PAK1: variants seen among roughly 807,000 people sequenced by gnomAD.
PAK1 encodes the protein serine/threonine-protein kinase PAK 1.
Under a neutral mutation model 67.4 loss-of-function variants are expected in PAK1, and 29 were observed. The observed-to-expected ratio is 0.43, with a 90% CI of 0.32 to 0.59. The LOEUF is 0.59. Ranked by LOEUF, PAK1 falls within the 20% of genes least tolerant of loss-of-function variation. The probability of loss-of-function intolerance (pLI) is 0.07; values close to 1 mark genes in which losing one functional copy is unlikely to be tolerated. For synonymous variants in PAK1, 223 were observed against 237.4 expected (o/e 0.94, Z 0.56); for missense variants, 337 against 670.7 (o/e 0.50, Z 5.50).
intron 1 of PAK1, among the ~76,000 whole-genome samples, chr11:77,469,748 G>A (rs535230718): frequency 1.1e-4 from 16 of 151,646 alleles, no homozygotes; most frequent in Admixed American, 3.3e-4. Flanking sequence ...ACACTGGTGT[G>A]GGAGAATGTT....
rs998599559 is a variant in PAK1, at chr11:77,325,951, T to G, written c.1552-2591A>C. ...ACATGAGACTCAGGGATTAACAAAA[T>G]AGAGGTTATAATCCAATAGGAAAGA... On this transcript the variant is annotated intron_variant, in intron 14 of 14. Transcript: ENST00000356341. Among the ~76,000 whole-genome samples the G allele has an allele frequency of 2.6e-5, 4 of 152,150 alleles. No homozygotes were observed. The East Asian group carries it at 7.7e-4, about 29-fold the overall frequency.
chr11:77,431,121 C>T (rs976756440), intron 1 of PAK1, among the ~76,000 whole-genome samples: 5 of 152,050 alleles, frequency 3.3e-5, no homozygotes, highest in Non-Finnish European at 7.4e-5. Flanking sequence ...GAAACCAGTC[C>T]CTAATGCCAA....
At chr11:77,459,720 T>A in intron 1 of PAK1, among the ~76,000 whole-genome samples, 1 of 129,620 alleles carries the variant, frequency 7.7e-6, no homozygotes, top group Admixed American at 8.8e-5. Context: ...TGAGACGGAG[T>A]CTCGCTCTTT....
the PAK1 span, among the ~76,000 whole-genome samples, chr11:77,520,264 C>G: frequency 1.3e-5 from 2 of 152,192 alleles, no homozygotes; most frequent in African/African-American, 4.8e-5. Flanking sequence ...CCACTCTTAA[C>G]TGCTTCCTGT....
At chr11:77,402,169 CTCTT>C (rs1229266475) in intron 1 of PAK1, among the ~76,000 whole-genome samples, 3 of 152,168 alleles carry the variant, frequency 2.0e-5, no homozygotes, top group African/African-American at 4.8e-5. Flanking sequence ...CTTGAAAACT[CTCTT>C]TCTACACTAA....
intron 1 of PAK1, among the ~76,000 whole-genome samples, chr11:77,402,947 TC>T (rs1242341610): frequency 6.6e-6 from 1 of 151,998 alleles, no homozygotes; most frequent in Non-Finnish European, 1.5e-5. Context: ...CCAAATTCCC[TC>T]CCCCTATGGT....
chr11:77,521,115 A>T, the PAK1 span, among the ~76,000 whole-genome samples: 22 of 152,088 alleles, frequency 1.4e-4, no homozygotes, highest in Non-Finnish European at 2.9e-4. Context: ...CTTAATTGGC[A>T]GGAAGTAGTC....
At chr11:77,384,264 G>A (rs1950185337) in intron 2 of PAK1, among the ~76,000 whole-genome samples, 1 of 152,144 alleles carries the variant, frequency 6.6e-6, no homozygotes, top group South Asian at 2.1e-4. Context: ...CTGCAGGCAG[G>A]AAGGCACTAA....
chr11:77,332,925 C>A, intron 13 of PAK1, 58 bp from the exon 14 acceptor site: 2 of 1,532,182 alleles, frequency 1.3e-6, no homozygotes, highest in South Asian at 1.1e-5. Context: ...TCTTGTTCCC[C>A]ATATACAAGT....
chr11:77,503,408 G>T, the PAK1 span, among the ~76,000 whole-genome samples: 2 of 152,230 alleles, frequency 1.3e-5, no homozygotes, highest in African/African-American at 4.8e-5. Flanking sequence ...TGCCCTGGAT[G>T]GGTTGGTGGC....
At chr11:77,425,878 G>C (rs559456779) in intron 1 of PAK1, among the ~76,000 whole-genome samples, 6 of 152,124 alleles carry the variant, frequency 3.9e-5, no homozygotes, top group African/African-American at 1.4e-4. Flanking sequence ...CTAAGGCAGG[G>C]GGATCGCTTG....
chr11:77,474,232 C>G (rs1292200429), upstream of PAK1: 1 of 151,756 alleles, frequency 6.6e-6, no homozygotes, highest in Non-Finnish European at 1.5e-5. Context: ...GCGGCGGCTG[C>G]GGCTCCGGTG....
chr11:77,389,498 A>G (rs1211463040), intron 2 of PAK1, among the ~76,000 whole-genome samples: 2 of 152,162 alleles, frequency 1.3e-5, no homozygotes, highest in East Asian at 1.9e-4. Context: ...GAGGGTTGCA[A>G]TTTCTCCACA....
the PAK1 span, among the ~76,000 whole-genome samples, chr11:77,486,267 G>A: frequency 6.6e-6 from 1 of 152,086 alleles, no homozygotes; most frequent in Non-Finnish European, 1.5e-5. Context: ...TTGGGAGGCT[G>A]AGATGGGAAG....
chr11:77,378,233 G>A (rs1949354563), intron 4 of PAK1, among the ~76,000 whole-genome samples: 1 of 152,222 alleles, frequency 6.6e-6, no homozygotes, highest in Admixed American at 6.5e-5. Flanking sequence ...ACAATGGAAA[G>A]CTGGTCCGCT....
At chr11:77,326,504 G>T (rs780688291) in intron 14 of PAK1, among the ~76,000 whole-genome samples, 1 of 152,120 alleles carries the variant, frequency 6.6e-6, no homozygotes, top group Admixed American at 6.5e-5. Context: ...GAGCAACATG[G>T]CAAAACCCTG....
In PAK1 at chr11:77,355,849, T is replaced by C. The variant is rs1945963650; in HGVS notation, c.598-7A>G. 3.1e-6 allele frequency: 5 copies of C among 1,611,890 alleles called. No individual in the cohort carries two copies. The highest frequency in any genetic ancestry group is 3.4e-6 in the Non-Finnish European group (4 of 1,178,586). On this transcript the variant is annotated splice_region_variant and splice_polypyrimidine_tract_variant and intron_variant, in intron 6 of 14. Coordinates refer to ENST00000356341, the MANE Select transcript of PAK1 (RefSeq NM_002576.5). ...TCACAGACCGTGTGTATACCTGCAT[T>C]ATTAGTGCAAAATTTTGGCAAGACC...
chr11:77,438,363 ACC>A (rs1431502078), intron 1 of PAK1, among the ~76,000 whole-genome samples: 1 of 152,120 alleles, frequency 6.6e-6, no homozygotes, highest in Non-Finnish European at 1.5e-5. Flanking sequence ...ACCACCTCTC[ACC>A]AAGCCCCACC....
chr11:77,460,311 GT>G (rs1167582325), intron 1 of PAK1, among the ~76,000 whole-genome samples: 1 of 142,410 alleles, frequency 7.0e-6, no homozygotes. Flanking sequence ...TGGCTATAAG[GT>G]TTTTTGTTTG....
Sources: gnomAD v4.1 joint callset for allele counts (sites outside exome capture counted in the v4.1 genomes callset) on GRCh38, gnomAD v4.1.1 for gene constraint, MANE v1.5 for transcripts, NCBI Gene and HGNC (gene_info 2026-07-23, HGNC 2026-07-21) for gene names.